PLCZ1: variants seen among roughly 807,000 people sequenced by gnomAD.
PLCZ1 encodes the protein phospholipase C zeta 1, also known as 1-phosphatidylinositol 4,5-bisphosphate phosphodiesterase zeta-1.
Under a neutral mutation model 76.8 loss-of-function variants are expected in PLCZ1, and 64 were observed. The ratio of observed to expected loss-of-function variants is 0.83; its 90% CI spans 0.68 to 1.03. PLCZ1 has a LOEUF of 1.03. Ranked by LOEUF, PLCZ1 falls within the 50% of genes least tolerant of loss-of-function variation. The pLI, the probability that PLCZ1 is intolerant of heterozygous loss-of-function variation, is 0.00. For missense variants in PLCZ1, 751 were observed against 713.7 expected (o/e 1.05, Z -0.60); for synonymous variants, 248 against 230.8 (o/e 1.07, Z -0.68).
chr12:18,699,477 G>T (rs1051269051), intron 10 of PLCZ1, among the ~76,000 whole-genome samples: 3 of 152,084 alleles, frequency 2.0e-5, no homozygotes, highest in Middle Eastern at 3.4e-3. Flanking sequence ...TTCTAATTCG[G>T]CTCTGCCTCC....
In PLCZ1 at chr12:18,736,089, A is replaced by T. The variant is rs147527809; in HGVS notation, c.135+132T>A. On this transcript the variant is annotated intron_variant, in intron 3 of 14. Coordinates refer to ENST00000266505, the MANE Select transcript of PLCZ1 (RefSeq NM_033123.4). ...TTTACCTTCTACTGAAATGCTCTCC[A>T]TCTTGATTGTAAATATAGTTAGTAT... 477 of 1,015,848 alleles carry T rather than the reference A, an allele frequency of 4.7e-4. 2 individuals are homozygous for T. Among genetic ancestry groups the T allele is most frequent in the Non-Finnish European group, 5.5e-4 (395 of 717,968 alleles). 62.9% of individuals were successfully genotyped at this position (1,015,848 alleles called of 1,614,324 possible). A position where few individuals can be genotyped will look rare whatever the true frequency, so the allele number is the denominator to read the frequency against.
At chr12:18,702,507 AG>A (rs1292870292) in intron 7 of PLCZ1, among the ~76,000 whole-genome samples, 1 of 152,122 alleles carries the variant, frequency 6.6e-6, no homozygotes, top group East Asian at 1.9e-4. Context: ...TCTTTTCTCC[AG>A]GGAGCTTTGA....
intron 4 of PLCZ1, among the ~76,000 whole-genome samples, chr12:18,720,901 AT>A (rs2137528548): frequency 1.3e-5 from 2 of 152,242 alleles, no homozygotes; most frequent in South Asian, 4.1e-4. Flanking sequence ...ATGTAAGTAA[AT>A]GTTATGACAT....
At chr12:18,678,657 ATT>A (rs1952161539), downstream of PLCZ1, among the ~76,000 whole-genome samples, 1 of 152,006 alleles carries the variant, frequency 6.6e-6, no homozygotes, top group African/African-American at 2.4e-5. Context: ...ATTTTGATTC[ATT>A]GTTATTAATG....
intron 3 of PLCZ1, among the ~76,000 whole-genome samples, chr12:18,727,046 C>T (rs1183021754): frequency 6.6e-6 from 1 of 152,022 alleles, no homozygotes; most frequent in Admixed American, 6.6e-5. Context: ...TATACAGGTG[C>T]CGAAATATAA....
At chr12:18,665,362 A>C in the PLCZ1 span, among the ~76,000 whole-genome samples, 3 of 152,146 alleles carry the variant, frequency 2.0e-5, no homozygotes, top group Non-Finnish European at 4.4e-5. Context: ...GCACCTCTAA[A>C]AATGGCTAAA....
chr12:18,694,709 T>C (rs1342903648), intron 12 of PLCZ1, among the ~76,000 whole-genome samples: 1 of 152,134 alleles, frequency 6.6e-6, no homozygotes, highest in Non-Finnish European at 1.5e-5. Context: ...CACAGGCAGA[T>C]AATCATTCAT....
At chr12:18,650,117 C>T in the PLCZ1 span, among the ~76,000 whole-genome samples, 2 of 151,988 alleles carry the variant, frequency 1.3e-5, no homozygotes, top group African/African-American at 4.8e-5. Context: ...CTCAATATTC[C>T]CTTGAATTGC....
intron 12 of PLCZ1, among the ~76,000 whole-genome samples, chr12:18,691,841 A>G (rs1954136647): frequency 6.6e-6 from 1 of 152,154 alleles, no homozygotes; most frequent in Non-Finnish European, 1.5e-5. Context: ...GACAATACAA[A>G]AGCCAGCTAC....
chr12:18,661,224 G>A, the PLCZ1 span, among the ~76,000 whole-genome samples: 3 of 152,050 alleles, frequency 2.0e-5, no homozygotes, highest in African/African-American at 7.2e-5. Flanking sequence ...AAGAGGCAAA[G>A]GGATTATTTG....
intron 12 of PLCZ1, among the ~76,000 whole-genome samples, chr12:18,689,567 G>C (rs1953745265): frequency 6.6e-6 from 1 of 152,124 alleles, no homozygotes; most frequent in South Asian, 2.1e-4. Context: ...GGTTTAGGGA[G>C]CATTGATCAA....
In PLCZ1 at chr12:18,737,490, C is replaced by A; in HGVS notation, c.-119G>T. ...TTGCAGAAAATAATTTCTTGATACT[C>A]ATCAGCTGTTACCACTTTTCTAGGG... is the stretch of plus-strand genomic sequence containing the variant. On this transcript the variant is annotated 5_prime_UTR_variant, in exon 2 of 15. It removes an upstream start codon present in the reference 5' UTR. Transcript: ENST00000266505. 7.2e-7 allele frequency: 1 copy of A among 1,397,162 alleles called. No homozygotes were observed. Among genetic ancestry groups the A allele is most frequent in the East Asian group, 2.3e-5 (1 of 42,768 alleles). 86.5% of individuals were successfully genotyped at this position (1,397,162 alleles called of 1,614,324 possible).
chr12:18,708,710 G>A (rs1294486873), intron 6 of PLCZ1, among the ~76,000 whole-genome samples: 2 of 152,098 alleles, frequency 1.3e-5, no homozygotes, highest in African/African-American at 4.8e-5. Context: ...AACATGGTAA[G>A]ACTGTGAGGT....
chr12:18,659,663 C>CTTTTTTTTTTTTT, the PLCZ1 span, among the ~76,000 whole-genome samples: 2 of 133,816 alleles, frequency 1.5e-5, no homozygotes, highest in Non-Finnish European at 3.2e-5. Flanking sequence ...GTTCTCCATT[C>CTTTTTTTTTTTTT]TTTTTTTTTT....
the PLCZ1 span, among the ~76,000 whole-genome samples, chr12:18,656,448 C>A: frequency 3.3e-5 from 5 of 152,226 alleles, no homozygotes; most frequent in Admixed American, 3.3e-4. Context: ...CGCCTGTAAT[C>A]CCAGCTACTT....
chr12:18,720,280 A>G (rs906765806), intron 4 of PLCZ1, among the ~76,000 whole-genome samples: 3 of 151,844 alleles, frequency 2.0e-5, no homozygotes, highest in African/African-American at 4.8e-5. Context: ...AGGCATTTAG[A>G]TAATTTCCTG....
At chr12:18,715,189 GAGGGA>G (rs1186266439) in intron 5 of PLCZ1, among the ~76,000 whole-genome samples, 1 of 18,128 alleles carries the variant, frequency 5.5e-5, no homozygotes, top group Non-Finnish European at 2.2e-4. Flanking sequence ...GGGGCGGAGG[GAGGGA>G]GAGAGAGAGA....
intron 3 of PLCZ1, among the ~76,000 whole-genome samples, chr12:18,728,790 C>A (rs904109637): frequency 6.6e-5 from 10 of 152,048 alleles, no homozygotes; most frequent in African/African-American, 9.7e-5. Flanking sequence ...GTAAAGGATT[C>A]TTTTGGTTTA....
rs1565686671 is a variant in PLCZ1, at chr12:18,701,689, T to TAC, written c.949+1_949+2dup. 4.3e-6 allele frequency: 7 copies of TAC among 1,610,370 alleles called. No individual in the cohort carries two copies. Among genetic ancestry groups the TAC allele is most frequent in the Non-Finnish European group, 5.9e-6 (7 of 1,178,078 alleles). ...ACTTCTTCTTCCCATTCCTCCACCT[T>TAC]ACCACGCTTATCAGAACCTTTTCTT... On this transcript the variant is annotated splice_region_variant and intron_variant, in intron 8 of 14. Transcript: ENST00000266505.
Sources: gnomAD v4.1 joint callset for allele counts (sites outside exome capture counted in the v4.1 genomes callset) on GRCh38, gnomAD v4.1.1 for gene constraint, MANE v1.5 for transcripts, NCBI Gene and HGNC (gene_info 2026-07-23, HGNC 2026-07-21) for gene names.